Variants in KDR observed in about 807,000 individuals in gnomAD.
KDR encodes kinase insert domain receptor, also known as vascular endothelial growth factor receptor 2.
KDR carries 43 observed loss-of-function variants against 160.9 expected under a neutral mutation model. The ratio of observed to expected loss-of-function variants is 0.27; its 90% CI spans 0.21 to 0.34. The LOEUF is 0.34. Ranked by LOEUF, KDR falls within the 10% of genes least tolerant of loss-of-function variation. The probability of loss-of-function intolerance (pLI) is 1.00; values close to 1 mark genes in which losing one functional copy is unlikely to be tolerated. For missense variants in KDR, 1,469 were observed against 1,666.4 expected (o/e 0.88, Z 2.06); for synonymous variants, 617 against 600.1 (o/e 1.03, Z -0.41).
chr4:55,114,246 C>A lies in KDR; in HGVS notation c.678G>T (p.Val226=). Residue 226 remains valine (V), a synonymous_variant, in exon 6 of 30, where the codon GTG becomes GTT. Transcript: ENST00000263923. The part of the protein sequence containing the change: ...VVVVGYRIYD[V]VLSPSHGIEL... ...CAATTCCATGAGACGGACTCAGAAC[C>A]ACATCATAAATCCTATACCCTAGAG... 6.2e-7 allele frequency: 1 copy of A among 1,613,852 alleles called. No individual in the cohort carries two copies. Among genetic ancestry groups the A allele is most frequent in the South Asian group, 1.1e-5 (1 of 91,070 alleles).
rs537356969 is a variant in KDR at position 55,079,310 on chromosome 4, C to T, written c.*631G>A. 3 of 235,456 alleles carry T rather than the reference C, an allele frequency of 1.3e-5. No homozygotes were observed. The highest frequency in any genetic ancestry group is 1.7e-5 in the Non-Finnish European group (2 of 119,636). 14.6% of individuals were successfully genotyped at this position (235,456 alleles called of 1,614,324 possible). ...TTAGCCCAACTCGAAGAACACGCAACCTTCTAAAACCAGAAACCCCGTCTG... is the reference window on the plus strand; with the variant it reads ...TTAGCCCAACTCGAAGAACACGCAATCTTCTAAAACCAGAAACCCCGTCTG... On this transcript the variant is annotated 3_prime_UTR_variant, in exon 30 of 30. Coordinates refer to ENST00000263923, the MANE Select transcript of KDR (RefSeq NM_002253.4).
At chr4:55,087,484 C>T (rs1260311415) in intron 27 of KDR, 123 bp downstream of exon 27, 1 of 857,696 alleles carries the variant, frequency 1.2e-6, no homozygotes, top group Non-Finnish European at 1.9e-6. Context: ...AACCTCAGGG[C>T]TAAGGTTATG....
chr4:55,103,094 A>G lies in KDR; in HGVS notation c.1988-586T>C, dbSNP rs117907433. ...CTAAGTAAACAGTTGAACTGTTTAC[A>G]GAATCTGGTGAGGCTAAAAGACCAG... On this transcript the variant is annotated intron_variant, in intron 13 of 29. Transcript: ENST00000263923. Among the ~76,000 whole-genome samples, 5 of 152,316 alleles carry G rather than the reference A, an allele frequency of 3.3e-5. No homozygotes were observed. The East Asian group carries it at 9.6e-4, about 29-fold the overall frequency.
At position 55,107,770 on chromosome 4, in the gene KDR, C is replaced by G; in HGVS notation, c.1379G>C (p.Trp460Ser). 1 of 1,613,972 alleles carries G rather than the reference C, an allele frequency of 6.2e-7. No individual in the cohort carries two copies. Residue 460 changes from tryptophan (W) to serine (S), a missense_variant, in exon 10 of 30, where the codon TGG becomes TCG. Trp to Ser is a radical substitution (Grantham distance 177). Coordinates refer to ENST00000263923, the MANE Select transcript of KDR (RefSeq NM_002253.4). ...GTTGGCGCACTCTTCCTCCAACTGC[C>G]AATACCAGTGGATGTGATGCGGGGG... The part of the protein sequence containing the change: ...IPPPHHIHWY[W>S]QLEEECANEP...
chr4:55,099,166 C>T (rs1720247111), intron 15 of KDR, among the ~76,000 whole-genome samples: 1 of 151,986 alleles, frequency 6.6e-6, no homozygotes, highest in African/African-American at 2.4e-5. Context: ...CAGGTGCATA[C>T]CACCAAGCCC....
Position 55,078,849 on chromosome 4 carries a change from TTC to T in KDR, c.*1090_*1091del, listed in dbSNP as rs1719648393. On this transcript the variant is annotated 3_prime_UTR_variant, in exon 30 of 30. Coordinates refer to ENST00000263923, the MANE Select transcript of KDR (RefSeq NM_002253.4). ...AATTTTGAAGTCTGGCTAATAATCA[TTC>T]AGAGAGTGAACAAACCCAATCAGGT... is the stretch of plus-strand genomic sequence containing the variant. 9 of 233,224 alleles carry T rather than the reference TTC, an allele frequency of 3.9e-5. No homozygotes were observed. The East Asian group carries it at 5.4e-4, about 14-fold the overall frequency. The allele number at this position is 233,224 out of a possible 1,614,324, so 14.4% of individuals were successfully genotyped here. A position where few individuals can be genotyped will look rare whatever the true frequency, so the allele number is the denominator to read the frequency against.
chr4:55,125,489 C>A lies in KDR; in HGVS notation c.-196G>T, dbSNP rs552965525. 147 of 632,344 alleles carry A rather than the reference C, an allele frequency of 2.3e-4. No individual in the cohort carries two copies. The African/African-American group carries it at 2.5e-3, about 11-fold the overall frequency. 39.2% of individuals were successfully genotyped at this position (632,344 alleles called of 1,614,324 possible). On this transcript the variant is annotated 5_prime_UTR_variant, in exon 1 of 30. Transcript: ENST00000263923. ...TGCGGGTGCCGGTAGGAGAGGATAT[C>A]CAGGCTGCCAGACGGACTTTCTGCG...
chr4:55,113,897 T>C (rs767577641), intron 6 of KDR, among the ~76,000 whole-genome samples: 4 of 152,210 alleles, frequency 2.6e-5, no homozygotes, highest in African/African-American at 4.8e-5. Flanking sequence ...GCCTGGCTAT[T>C]GCAGAATAGG....
intron 15 of KDR, among the ~76,000 whole-genome samples, chr4:55,101,365 T>G (rs568743587): frequency 1.3e-5 from 2 of 152,304 alleles, no homozygotes; most frequent in Admixed American, 6.5e-5. Flanking sequence ...ACATACTCAC[T>G]GAGAAAATTT....
At chr4:55,111,079 G>C (rs1300499481) in intron 7 of KDR, among the ~76,000 whole-genome samples, 1 of 152,034 alleles carries the variant, frequency 6.6e-6, no homozygotes. Context: ...AGGGATGCTT[G>C]GGTGCTCCTT....
chr4:55,119,217 A>C (rs1027876473), intron 2 of KDR, among the ~76,000 whole-genome samples: 1 of 152,134 alleles, frequency 6.6e-6, no homozygotes, highest in Admixed American at 6.5e-5. Context: ...AAAAAAAAAA[A>C]AACAAAGTCT....
In KDR at chr4:55,105,938, A is replaced by G. The variant is rs1319736815; in HGVS notation, c.1539T>C (p.Thr513=). 1.2e-6 allele frequency: 2 copies of G among 1,606,714 alleles called. No homozygotes were observed. Among genetic ancestry groups the G allele is most frequent in the Non-Finnish European group, 8.5e-7 (1 of 1,173,382 alleles). Residue 513 remains threonine, a splice_region_variant and synonymous_variant, in exon 12 of 30, where the codon ACT becomes ACC. Transcript: ENST00000263923. Reference sequence around the variant, plus strand: ...CCGCTTGGATAACAAGGGTACTTACAGTCTGTGCGGGGAAAAAACAAATCC... The same window carrying G: ...CCGCTTGGATAACAAGGGTACTTACGGTCTGTGCGGGGAAAAAACAAATCC... ...QFALIEGKNK[T]VSTLVIQAAN...
rs549011478 is a variant in KDR, at chr4:55,118,667, C to T, written c.295G>A (p.Gly99Arg). The T allele has an allele frequency of 3.1e-6, 5 of 1,614,164 alleles. No homozygotes were observed. Among genetic ancestry groups the T allele is most frequent in the Admixed American group, 1.7e-5 (1 of 60,020 alleles). The change falls in exon 3 of 30, where the codon GGA (glycine) becomes AGA (arginine). Residue 99 changes from glycine to arginine, a missense_variant. Transcript: ENST00000263923. ...TIPKVIGNDT[G>R]AYKCFYRETD... ...TCCCGGTAGAAGCACTTGTAGGCTC[C>T]AGTGTCATTTCCGATCACTTTTGGA...
intron 3 of KDR, 139 bp downstream of exon 3, chr4:55,118,465 G>A: frequency 2.8e-6 from 2 of 724,798 alleles, no homozygotes; most frequent in Non-Finnish European, 4.9e-6. Flanking sequence ...GAAAGCCTCA[G>A]GAGAGAAGAA....
chr4:55,088,838 G>A, intron 26 of KDR, 30 bp downstream of exon 26: 2 of 1,466,654 alleles, frequency 1.4e-6, no homozygotes, highest in East Asian at 2.3e-5. Context: ...AGTACTCTTT[G>A]TAGGTGCTTC....
chr4:55,122,856 G>A (rs1298977224), intron 1 of KDR: 1 of 151,906 alleles, frequency 6.6e-6, no homozygotes, highest in Non-Finnish European at 1.5e-5. Context: ...GATGGTCTAT[G>A]GGCCACTCTT....
At chr4:55,106,578 TA>T in intron 11 of KDR, 108 bp downstream of exon 11, 1 of 874,530 alleles carries the variant, frequency 1.1e-6, no homozygotes, top group Non-Finnish European at 1.9e-6. Flanking sequence ...ACGCTCTATT[TA>T]ATCATCCAGA....
At position 55,125,343 on chromosome 4, in the gene KDR, T is replaced by C. The variant is rs114484350; in HGVS notation, c.-50A>G. ...GCCCAGAACTCGGGAGCCGGTTCTT[T>C]CTCCCAGCGCCTGTCTAGAGAAGGA... On this transcript the variant is annotated 5_prime_UTR_variant, in exon 1 of 30. Transcript: ENST00000263923. 1,470 of 1,569,662 alleles carry C rather than the reference T, an allele frequency of 9.4e-4. 11 individuals are homozygous for C. The African/African-American group carries it at 0.018, about 20-fold the overall frequency.
Position 55,125,270 on chromosome 4 carries a change from G to A in KDR, c.24C>T (p.Ala8=), listed in dbSNP as rs202216974. MQSKVLL[A]VALWLCVETR... ...TCTCCACGCAGAGCCACAGGGCGAC[G>A]GCCAGCAGCACCTTGCTCTGCATCC... The change falls in exon 1 of 30, where the codon GCC becomes GCT. Residue 8 remains alanine, a synonymous_variant. Coordinates refer to ENST00000263923, the MANE Select transcript of KDR (RefSeq NM_002253.4). 6.2e-7 allele frequency: 1 copy of A among 1,612,970 alleles called. No individual in the cohort carries two copies. The highest frequency in any genetic ancestry group is 1.3e-5 in the African/African-American group (1 of 75,052).
Sources: gnomAD v4.1 joint callset for allele counts (sites outside exome capture counted in the v4.1 genomes callset) on GRCh38, gnomAD v4.1.1 for gene constraint, MANE v1.5 for transcripts, NCBI Gene and HGNC (gene_info 2026-07-23, HGNC 2026-07-21) for gene names.